The following NCKAP5 variants were observed in gnomAD, a reference collection of about 807,000 sequenced individuals.
NCKAP5 encodes the protein NCK associated protein 5.
NCKAP5 carries 92 observed loss-of-function variants against 167.0 expected under a neutral mutation model. The observed-to-expected ratio is 0.55, with a 90% CI of 0.47 to 0.66. NCKAP5 has a LOEUF of 0.66. Among genes scored for constraint, NCKAP5 ranks in the 30% least tolerant of loss-of-function variants. The probability of loss-of-function intolerance (pLI) is 0.00; values close to 1 mark genes in which losing one functional copy is unlikely to be tolerated. For synonymous variants in NCKAP5, 891 were observed against 877.4 expected, an observed-to-expected ratio of 1.02 and a Z score of -0.27; for missense variants, 2,378 against 2,315.0, an observed-to-expected ratio of 1.03 and a Z score of -0.56.
At chr2:133,120,080 G>A (rs991867550) in intron 6 of NCKAP5, among the ~76,000 whole-genome samples, 3 of 152,084 alleles carry the variant, frequency 2.0e-5, no homozygotes, top group Non-Finnish European at 2.9e-5. Context: ...AAAAAGAAAC[G>A]TATATTTCTG....
At chr2:133,343,715 C>T (rs1683756330) in intron 3 of NCKAP5, among the ~76,000 whole-genome samples, 1 of 152,280 alleles carries the variant, frequency 6.6e-6, no homozygotes, top group East Asian at 1.9e-4. Flanking sequence ...TCCCAAGTTC[C>T]CTGTACTCAC....
the NCKAP5 span, among the ~76,000 whole-genome samples, chr2:133,595,449 C>A: frequency 6.7e-6 from 1 of 149,968 alleles, no homozygotes; most frequent in Non-Finnish European, 1.5e-5. Context: ...TCTCCTTTTC[C>A]TCTCTTCCTC....
intron 3 of NCKAP5, among the ~76,000 whole-genome samples, chr2:133,471,790 GTC>G (rs1239600132): frequency 2.6e-5 from 4 of 152,192 alleles, no homozygotes; most frequent in Admixed American, 1.3e-4. Context: ...GCCCTCTACT[GTC>G]TCTCACCTCA....
chr2:133,378,514 T>A (rs189583737), intron 3 of NCKAP5, among the ~76,000 whole-genome samples: 47 of 152,294 alleles, frequency 3.1e-4, no homozygotes, highest in Admixed American at 3.9e-4. Context: ...CCCCTTCCAC[T>A]GCATGCAAAC....
intron 6 of NCKAP5, among the ~76,000 whole-genome samples, chr2:133,036,083 G>T (rs1219602832): frequency 6.6e-6 from 1 of 151,558 alleles, no homozygotes; most frequent in African/African-American, 2.4e-5. Flanking sequence ...TAGAAGAAAT[G>T]GAAAAATTCC....
intron 3 of NCKAP5, among the ~76,000 whole-genome samples, chr2:133,511,726 C>A (rs926955353): frequency 6.6e-6 from 1 of 152,296 alleles, no homozygotes; most frequent in East Asian, 1.9e-4. Flanking sequence ...AAATAATAGA[C>A]AAGTTAGGGG....
chr2:133,594,719 T>C, the NCKAP5 span, among the ~76,000 whole-genome samples: 8 of 152,158 alleles, frequency 5.3e-5, no homozygotes, highest in Admixed American at 4.6e-4. Flanking sequence ...GAGAACAAGA[T>C]ACACAAATTC....
In NCKAP5 at chr2:132,797,982, A is replaced by AT. The variant is rs201422263; in HGVS notation, c.808-1254dup. Among the ~76,000 whole-genome samples, 1,146 of 152,100 alleles carry AT rather than the reference A, an allele frequency of 7.5e-3. 14 individuals are homozygous for AT. Among genetic ancestry groups the AT allele is most frequent in the African/African-American group, 0.026 (1,094 of 41,494 alleles). On this transcript the variant is annotated intron_variant, in intron 11 of 19. Transcript: ENST00000409261. Reference sequence around the variant, plus strand: ...TCTATCCTCCTGCAAGGGTAAAGGTATTTTTTTGCTGTTGTGGGTTGGCCA... The same window carrying AT: ...TCTATCCTCCTGCAAGGGTAAAGGTATTTTTTTTGCTGTTGTGGGTTGGCCA...
chr2:133,356,783 T>C (rs1194455683), intron 3 of NCKAP5, among the ~76,000 whole-genome samples: 3 of 152,194 alleles, frequency 2.0e-5, no homozygotes, highest in African/African-American at 2.4e-5. Flanking sequence ...TTGGGGTCTA[T>C]TGTACTTCTT....
chr2:133,351,108 C>T (rs1201470594), intron 3 of NCKAP5, among the ~76,000 whole-genome samples: 1 of 152,122 alleles, frequency 6.6e-6, no homozygotes, highest in Admixed American at 6.5e-5. Context: ...CATCACATCC[C>T]CGGAGCCAGC....
At chr2:133,619,319 T>G in the NCKAP5 span, among the ~76,000 whole-genome samples, 2 of 150,720 alleles carry the variant, frequency 1.3e-5, no homozygotes, top group Non-Finnish European at 3.0e-5. Context: ...ATAAATAAAA[T>G]AAAATAAAAA....
At chr2:133,595,042 G>C in the NCKAP5 span, among the ~76,000 whole-genome samples, 2 of 152,298 alleles carry the variant, frequency 1.3e-5, no homozygotes, top group East Asian at 3.9e-4. Context: ...AGAAACAACT[G>C]TGGATTCCCA....
At chr2:132,817,445 TA>T (rs11307595) in intron 11 of NCKAP5, among the ~76,000 whole-genome samples, 90,998 of 150,680 alleles carry the variant, frequency 0.6, 29,201 homozygotes, top group East Asian at 0.89. Flanking sequence ...TTACAAGAAA[TA>T]AAAAAAAAAA....
At chr2:133,625,776 C>A in the NCKAP5 span, among the ~76,000 whole-genome samples, 1 of 149,252 alleles carries the variant, frequency 6.7e-6, no homozygotes, top group Non-Finnish European at 1.5e-5. Context: ...GAGGCTGAGG[C>A]AAGGAGAATG....
intron 5 of NCKAP5, among the ~76,000 whole-genome samples, chr2:133,140,078 C>A (rs1326282678): frequency 6.6e-6 from 1 of 151,944 alleles, no homozygotes; most frequent in African/African-American, 2.4e-5. Flanking sequence ...TCATTCTTCT[C>A]CCCTGGTCAC....
chr2:132,896,771 G>A (rs1693243503), intron 8 of NCKAP5, among the ~76,000 whole-genome samples: 2 of 152,188 alleles, frequency 1.3e-5, no homozygotes, highest in South Asian at 4.1e-4. Context: ...AATCTTTTAA[G>A]TATAAAAAGA....
intron 11 of NCKAP5, among the ~76,000 whole-genome samples, chr2:132,822,838 G>T (rs1686853166): frequency 6.6e-6 from 1 of 152,082 alleles, no homozygotes. Flanking sequence ...ATTATCCAGA[G>T]AAATAGATAT....
At chr2:132,733,107 A>G (rs76000102) in intron 16 of NCKAP5, among the ~76,000 whole-genome samples, 3,199 of 152,344 alleles carry the variant, frequency 0.021, 57 homozygotes, top group African/African-American at 0.046. Context: ...AACATTTTAT[A>G]TACGGAGAAA....
intron 16 of NCKAP5, among the ~76,000 whole-genome samples, chr2:132,741,337 G>A (rs542362114): frequency 2.0e-5 from 3 of 152,122 alleles, no homozygotes; most frequent in South Asian, 2.1e-4. Context: ...ACTGCTTCAC[G>A]TCTTGCTATG....
Sources: allele counts gnomAD v4.1 joint callset (sites outside exome capture counted in the v4.1 genomes callset), GRCh38; gene constraint gnomAD v4.1.1; transcripts MANE v1.5; gene names NCBI Gene and HGNC (gene_info 2026-07-23, HGNC 2026-07-21).